The following GGA2 variants were observed in gnomAD, a reference collection of about 807,000 sequenced individuals.
GGA2 encodes the protein golgi associated, gamma adaptin ear containing, ARF binding protein 2, also known as ADP-ribosylation factor-binding protein GGA2.
Under a neutral mutation model 79.5 loss-of-function variants are expected in GGA2, and 48 were observed. The observed-to-expected ratio is 0.60, with a 90% CI of 0.48 to 0.77. The LOEUF (loss-of-function observed/expected upper bound fraction) is 0.77, where lower values mean the gene tolerates loss of function less well. GGA2 is among the 30% of genes least tolerant of loss of function. The pLI, the probability that GGA2 is intolerant of heterozygous loss-of-function variation, is 0.00. For missense variants in GGA2, 770 were observed against 774.0 expected (o/e 0.99, Z 0.06); for synonymous variants, 317 against 302.0 (o/e 1.05, Z -0.51).
Position 23,510,321 on chromosome 16 carries a change from T to G in GGA2, c.91A>C (p.Asn31His), listed in dbSNP as rs1167730693. ...GCCGAAGGCCTGCCAGGCTACTCACTGAGCCACAGCTCCAGCGACGCTGCC... is the reference window on the plus strand; with the variant it reads ...GCCGAAGGCCTGCCAGGCTACTCACGGAGCCACAGCTCCAGCGACGCTGCC... ...GPAASLELWL[N>H]KATDPSMSEQ... is the part of the protein sequence containing the mutation. The change falls in exon 1 of 17, where the codon AAC becomes CAC. Residue 31 changes from asparagine to histidine, a missense_variant and splice_region_variant. Asn to His is a moderately conservative substitution (Grantham distance 68). Transcript: ENST00000309859. 1.3e-5 allele frequency: 19 copies of G among 1,434,622 alleles called. No homozygotes were observed. The highest frequency in any genetic ancestry group is 1.7e-5 in the Non-Finnish European group (19 of 1,093,152). 88.9% of individuals were successfully genotyped at this position (1,434,622 alleles called of 1,614,324 possible).
chr16:23,520,253 C>CA (rs3071381), intron 1 of GGA2, among the ~76,000 whole-genome samples: 11,035 of 114,382 alleles, frequency 0.096, 1,307 homozygotes, highest in African/African-American at 0.24. Context: ...AACTACGTCT[C>CA]AAAAAAAAAA....
In GGA2 at chr16:23,479,785, T is replaced by A. The variant is rs758871543; in HGVS notation, c.1109A>T (p.His370Leu). Residue 370 changes from histidine (H) to leucine (L), a missense_variant, in exon 11 of 17, where the codon CAT (histidine) becomes CTT (leucine). Physicochemically the swap from His to Leu is moderately conservative, Grantham distance 99 (BLOSUM62 -3). Transcript: ENST00000309859. ...CTCACCCAAGGCTGCCAGGTCCTGA[T>A]GAAGCAAAGATGGCACCACAGTCCC... ...QMGTVVPSLL[H>L]QDLAALGISD... The A allele has an allele frequency of 5.3e-5, 86 of 1,614,018 alleles. No individual in the cohort carries two copies. Among genetic ancestry groups the A allele is most frequent in the Non-Finnish European group, 7.0e-5 (83 of 1,180,012 alleles).
intron 2 of GGA2, among the ~76,000 whole-genome samples, chr16:23,518,104 C>T (rs551911570): frequency 2.2e-4 from 33 of 151,334 alleles, no homozygotes; most frequent in African/African-American, 7.3e-4. Flanking sequence ...GTAGAGACGG[C>T]ATTTCACCAT....
intron 13 of GGA2, among the ~76,000 whole-genome samples, chr16:23,477,082 G>A (rs1248283128): frequency 6.6e-6 from 1 of 152,186 alleles, no homozygotes; most frequent in Non-Finnish European, 1.5e-5. Flanking sequence ...CTCCTGAGCA[G>A]CTGGGACTAC....
chr16:23,521,072 G>A (rs1965138283), intron 1 of GGA2, among the ~76,000 whole-genome samples: 1 of 152,180 alleles, frequency 6.6e-6, no homozygotes, highest in African/African-American at 2.4e-5. Flanking sequence ...GATTCTAGGT[G>A]TGAGCCACCA....
chr16:23,487,009 G>T (rs951345495), intron 6 of GGA2, among the ~76,000 whole-genome samples: 1 of 145,458 alleles, frequency 6.9e-6, no homozygotes, highest in Non-Finnish European at 1.5e-5. Flanking sequence ...TTGAGACGGG[G>T]TCTTGCTCTG....
chr16:23,512,396 G>T (rs999657173), upstream of GGA2, among the ~76,000 whole-genome samples: 1 of 152,172 alleles, frequency 6.6e-6, no homozygotes, highest in Admixed American at 6.5e-5. Flanking sequence ...GAACCTCTGG[G>T]CTGGCCACTC....
chr16:23,467,797 A>G, intron 16 of GGA2, 97 bp from the exon 17 acceptor site: 1 of 716,622 alleles, frequency 1.4e-6, no homozygotes. Flanking sequence ...CAATTCTGAC[A>G]CAAAATACCT....
chr16:23,508,032 C>A (rs11861353), intron 1 of GGA2, among the ~76,000 whole-genome samples: 2,244 of 151,670 alleles, frequency 0.015, 24 homozygotes, highest in African/African-American at 0.02. Context: ...TCTCCTCCAC[C>A]TGAGGCAGCT....
At chr16:23,482,867 G>A (rs1964664680) in intron 9 of GGA2, 56 bp downstream of exon 9, 2 of 986,754 alleles carry the variant, frequency 2.0e-6, no homozygotes, top group Admixed American at 3.4e-5. Context: ...TGACAGGAGG[G>A]ACCGAGTCTG....
upstream of GGA2, chr16:23,524,298 T>A: frequency 7.3e-7 from 1 of 1,372,458 alleles, no homozygotes; most frequent in Non-Finnish European, 1.0e-6. Flanking sequence ...CCAGGCCTCC[T>A]TCTGGTCTCT....
At chr16:23,481,565 G>C (rs2142122303) in intron 9 of GGA2, among the ~76,000 whole-genome samples, 1 of 151,622 alleles carries the variant, frequency 6.6e-6, no homozygotes, top group Middle Eastern at 3.5e-3. Context: ...TTGAGCCCAG[G>C]AGTTTGAGAC....
chr16:23,496,949 T>A (rs1225625994), intron 1 of GGA2, among the ~76,000 whole-genome samples: 2 of 134,014 alleles, frequency 1.5e-5, no homozygotes, highest in Admixed American at 7.7e-5. Flanking sequence ...AGAGCGAGAC[T>A]CCATCTAAAA....
At chr16:23,485,042 G>T (rs1240812256) in intron 8 of GGA2, among the ~76,000 whole-genome samples, 1 of 152,184 alleles carries the variant, frequency 6.6e-6, no homozygotes, top group Non-Finnish European at 1.5e-5. Flanking sequence ...ACAATGGAAC[G>T]CTATCCAGCC....
chr16:23,494,725 G>A (rs949248850), intron 2 of GGA2, among the ~76,000 whole-genome samples: 1 of 152,224 alleles, frequency 6.6e-6, no homozygotes, highest in Non-Finnish European at 1.5e-5. Context: ...GGAAATGCTA[G>A]AGCAGAAAGT....
At chr16:23,502,828 A>G (rs565353876) in intron 1 of GGA2, among the ~76,000 whole-genome samples, 1 of 152,242 alleles carries the variant, frequency 6.6e-6, no homozygotes, top group South Asian at 2.1e-4. Context: ...CAAAATAGAA[A>G]GTGCTGAGGA....
In GGA2 at chr16:23,464,214, C is replaced by G. The variant is rs1964406528; in HGVS notation, c.*3376G>C. ...ACTATCTTCATGACCTGTTTGTGTTCAGAGTGGCTCACAGATAAGGAAACA... is the reference window on the plus strand; with the variant it reads ...ACTATCTTCATGACCTGTTTGTGTTGAGAGTGGCTCACAGATAAGGAAACA... On this transcript the variant is annotated 3_prime_UTR_variant, in exon 17 of 17. Transcript: ENST00000309859. 1 of 152,138 alleles carries G rather than the reference C, an allele frequency of 6.6e-6. No homozygotes were observed. 9.4% of individuals were successfully genotyped at this position (152,138 alleles called of 1,614,324 possible).
chr16:23,510,554 C>CCG (rs1965032961), upstream of GGA2: 2 of 249,912 alleles, frequency 8.0e-6, no homozygotes, highest in Non-Finnish European at 1.3e-5. Flanking sequence ...CCACCCCAGG[C>CCG]CCCCCCTCCA....
In GGA2 at chr16:23,510,428, CTG is replaced by C; in HGVS notation, c.-19_-18del. The stretch of plus-strand genomic sequence containing the variant: ...CGCCGCCATCGCTCCAGCCCCGACG[CTG>C]CGGCCGCGGGCGCCACTGCCTCTTC... On this transcript the variant is annotated 5_prime_UTR_variant, in exon 1 of 17. Coordinates refer to ENST00000309859, the MANE Select transcript of GGA2 (RefSeq NM_015044.4). The C allele has an allele frequency of 8.9e-7, 1 of 1,121,374 alleles. No individual in the cohort carries two copies. The highest frequency in any genetic ancestry group is 1.2e-6 in the Non-Finnish European group (1 of 862,042). 69.5% of individuals were successfully genotyped at this position (1,121,374 alleles called of 1,614,324 possible). A position where few individuals can be genotyped will look rare whatever the true frequency, so the allele number is the denominator to read the frequency against.
Sources: gnomAD v4.1 joint callset for allele counts (sites outside exome capture counted in the v4.1 genomes callset) on GRCh38, gnomAD v4.1.1 for gene constraint, MANE v1.5 for transcripts, NCBI Gene and HGNC (gene_info 2026-07-23, HGNC 2026-07-21) for gene names.